Variants in IGFL4 observed in about 807,000 individuals in gnomAD.
IGFL4 encodes insulin growth factor-like family member 4.
IGFL4 carries 12 observed loss-of-function variants against 15.4 expected under a neutral mutation model. That is an observed-to-expected ratio of 0.78 (90% CI 0.50 to 1.26). The LOEUF is 1.26. IGFL4 is among the 50% of genes most tolerant of loss of function. The pLI is 0.00. For synonymous variants in IGFL4, 54 were observed against 55.9 expected, an observed-to-expected ratio of 0.97 and a Z score of 0.16; for missense variants, 126 against 147.8, an observed-to-expected ratio of 0.85 and a Z score of 0.76.
chr19:46,041,604 G>A (rs758451980), upstream of IGFL4, among the ~76,000 whole-genome samples: 1 of 146,514 alleles, frequency 6.8e-6, no homozygotes, highest in Non-Finnish European at 1.5e-5. Flanking sequence ...TTTTTTTTTT[G>A]GTTTGTGGAG....
intron 1 of IGFL4, among the ~76,000 whole-genome samples, chr19:46,070,135 A>G (rs918589601): frequency 1.6e-5 from 2 of 121,482 alleles, no homozygotes; most frequent in Non-Finnish European, 3.3e-5. Context: ...AATTGAAGCA[A>G]ATCTCTAAGA....
At chr19:46,074,943 AC>A (rs578257461) in intron 1 of IGFL4, among the ~76,000 whole-genome samples, 204 of 152,214 alleles carry the variant, frequency 1.3e-3, no homozygotes, top group Non-Finnish European at 2.6e-3. Context: ...AGACACTTTC[AC>A]CACATTCTAC....
At chr19:46,041,643 G>C (rs983944248), upstream of IGFL4, among the ~76,000 whole-genome samples, 1 of 150,872 alleles carries the variant, frequency 6.6e-6, no homozygotes, top group Admixed American at 6.6e-5. Flanking sequence ...GCTCCTGTGT[G>C]TCTCACTGTG....
In IGFL4 at chr19:46,039,851, A is replaced by C; in HGVS notation, c.*41T>G. 6.7e-7 allele frequency: 1 copy of C among 1,495,842 alleles called. No homozygotes were observed. The highest frequency in any genetic ancestry group is 2.3e-5 in the East Asian group (1 of 44,322). The allele number at this position is 1,495,842 out of a possible 1,614,324, so 92.7% of individuals were successfully genotyped here. Reference sequence around the variant, plus strand: ...CAATGCAGTATAATTACCAAGTATTAGATTCTAGAGTGATCTGTGACTCTG... The same window carrying C: ...CAATGCAGTATAATTACCAAGTATTCGATTCTAGAGTGATCTGTGACTCTG... On this transcript the variant is annotated 3_prime_UTR_variant, in exon 4 of 4. Coordinates refer to ENST00000377697, the MANE Select transcript of IGFL4 (RefSeq NM_001002923.3).
At chr19:46,073,929 A>T (rs1969570095) in intron 1 of IGFL4, among the ~76,000 whole-genome samples, 1 of 152,202 alleles carries the variant, frequency 6.6e-6, no homozygotes, top group Admixed American at 6.5e-5. Context: ...GATTGATGGC[A>T]CATAATTACA....
intron 1 of IGFL4, among the ~76,000 whole-genome samples, chr19:46,075,083 GAATAA>G (rs1969582822): frequency 1.8e-5 from 1 of 55,080 alleles, no homozygotes; most frequent in Non-Finnish European, 7.1e-5. Context: ...ATAGTTTAAA[GAATAA>G]TTTATTTTTA....
Position 46,039,781 on chromosome 19 carries a change from C to T in IGFL4, c.*111G>A, listed in dbSNP as rs1024307168. On this transcript the variant is annotated 3_prime_UTR_variant, in exon 4 of 4. Transcript: ENST00000377697. The stretch of plus-strand genomic sequence containing the variant: ...TTGCTGAAGTTGCTTATTTGCACTC[C>T]AGCCTGGGGGACAGAGTGAAACTCT... 9.4e-5 allele frequency: 94 copies of T among 996,826 alleles called. No homozygotes were observed. Among genetic ancestry groups the T allele is most frequent in the Non-Finnish European group, 1.5e-4 (91 of 624,798 alleles). The allele number at this position is 996,826 out of a possible 1,614,324, so 61.7% of individuals were successfully genotyped here. A position where few individuals can be genotyped will look rare whatever the true frequency, so the allele number is the denominator to read the frequency against.
upstream of IGFL4, among the ~76,000 whole-genome samples, chr19:46,041,987 C>T (rs1285440919): frequency 6.6e-6 from 1 of 151,876 alleles, no homozygotes; most frequent in Non-Finnish European, 1.5e-5. Flanking sequence ...TACAGGCAGG[C>T]ACCTCCTGGC....
Position 46,039,921 on chromosome 19 carries a change from T to C in IGFL4, c.346A>G (p.Ser116Gly). ...RICAQEYHPK[S>G]PVSRSDLI ...ATGAGGTCAGATCTTGACACAGGGC[T>C]TTTTGGGTGGTATTCCTGCAGAAGG... Residue 116 changes from serine to glycine, a missense_variant, in exon 4 of 4, where the codon AGC becomes GGC. Coordinates refer to ENST00000377697, the MANE Select transcript of IGFL4 (RefSeq NM_001002923.3). The C allele has an allele frequency of 6.2e-7, 1 of 1,613,030 alleles. No individual in the cohort carries two copies. The highest frequency in any genetic ancestry group is 8.5e-7 in the Non-Finnish European group (1 of 1,179,082).
chr19:46,073,175 T>C (rs763687980), intron 1 of IGFL4, among the ~76,000 whole-genome samples: 1 of 152,184 alleles, frequency 6.6e-6, no homozygotes, highest in East Asian at 1.9e-4. Flanking sequence ...GGGTGAAAGA[T>C]CAAAACTCTG....
At chr19:46,064,647 AG>A (rs1969477748) in intron 1 of IGFL4, among the ~76,000 whole-genome samples, 1 of 152,208 alleles carries the variant, frequency 6.6e-6, no homozygotes, top group African/African-American at 2.4e-5. Flanking sequence ...TGCAAATGGC[AG>A]GATCTCATTC....
intron 1 of IGFL4, among the ~76,000 whole-genome samples, chr19:46,064,360 A>T (rs888673663): frequency 6.6e-6 from 1 of 152,162 alleles, no homozygotes; most frequent in Non-Finnish European, 1.5e-5. Context: ...ATTATTGACT[A>T]TAGTCACTCT....
At chr19:46,055,551 C>T (rs897327125) in intron 2 of IGFL4, among the ~76,000 whole-genome samples, 2 of 152,026 alleles carry the variant, frequency 1.3e-5, no homozygotes, top group Non-Finnish European at 2.9e-5. Context: ...GAAATGAGGT[C>T]AAAGCTCTTC....
Position 46,040,729 on chromosome 19 carries a change from G to T in IGFL4, c.20-161C>A. On this transcript the variant is annotated intron_variant, in intron 1 of 3. Coordinates refer to ENST00000377697, the MANE Select transcript of IGFL4 (RefSeq NM_001002923.3). The surrounding 1 kb of genome is among the most constrained non-coding windows in gnomAD (Gnocchi z 4.1). ...GTCCTGGGGACTGGGCTTGGCAGGTGAGGAAAGGCAGGGAGGGCTCTGGGA... is the reference window on the plus strand; with the variant it reads ...GTCCTGGGGACTGGGCTTGGCAGGTTAGGAAAGGCAGGGAGGGCTCTGGGA... 1.0e-6 allele frequency: 1 copy of T among 975,280 alleles called. No homozygotes were observed. Among genetic ancestry groups the T allele is most frequent in the Non-Finnish European group, 1.6e-6 (1 of 628,680 alleles). 60.4% of individuals were successfully genotyped at this position (975,280 alleles called of 1,614,324 possible).
intron 2 of IGFL4, among the ~76,000 whole-genome samples, chr19:46,055,645 T>C (rs1969386017): frequency 6.6e-6 from 1 of 152,186 alleles, no homozygotes; most frequent in Non-Finnish European, 1.5e-5. Context: ...TCCTTATAAG[T>C]GGAAAGAGAG....
chr19:46,043,357 A>C (rs992215455), upstream of IGFL4, among the ~76,000 whole-genome samples: 11 of 152,234 alleles, frequency 7.2e-5, no homozygotes, highest in Admixed American at 7.2e-4. Context: ...TTTTTAGCTA[A>C]GATGTCAATT....
At chr19:46,062,588 C>T (rs1969454912) in intron 1 of IGFL4, among the ~76,000 whole-genome samples, 1 of 152,142 alleles carries the variant, frequency 6.6e-6, no homozygotes, top group Non-Finnish European at 1.5e-5. Context: ...GGTTAAGCTC[C>T]CAAGGACATC....
upstream of IGFL4, among the ~76,000 whole-genome samples, chr19:46,077,430 G>C (rs1416651598): frequency 1.3e-5 from 2 of 152,180 alleles, no homozygotes; most frequent in South Asian, 2.1e-4. The surrounding 1 kb of genome is among the most constrained non-coding windows in gnomAD (Gnocchi z 5.4). Flanking sequence ...TGGACCGCCT[G>C]ACATTGAAAA....
intron 1 of IGFL4, among the ~76,000 whole-genome samples, chr19:46,064,298 T>C (rs1292525104): frequency 6.6e-6 from 1 of 152,220 alleles, no homozygotes; most frequent in Non-Finnish European, 1.5e-5. Flanking sequence ...ATCCTTTGTG[T>C]TACAAATAAT....
Sources: allele counts gnomAD v4.1 joint callset (sites outside exome capture counted in the v4.1 genomes callset), GRCh38; gene constraint gnomAD v4.1.1; non-coding constraint Gnocchi (gnomAD v3.1); transcripts MANE v1.5; gene names NCBI Gene and HGNC (gene_info 2026-07-23, HGNC 2026-07-21).